The following CHCHD3 variants were observed in gnomAD, a reference collection of about 807,000 sequenced individuals.
CHCHD3 encodes the protein coiled-coil-helix-coiled-coil-helix domain containing 3, also known as MICOS complex subunit MIC19.
CHCHD3 carries 20 observed loss-of-function variants against 38.2 expected under a neutral mutation model. That is an observed-to-expected ratio of 0.52 (90% confidence interval 0.37 to 0.76). The LOEUF is 0.76. Ranked by LOEUF, CHCHD3 falls within the 30% of genes least tolerant of loss-of-function variation. CHCHD3 has a pLI of 0.00. For synonymous variants in CHCHD3, 82 were observed against 100.0 expected (o/e 0.82, Z 1.07); for missense variants, 245 against 279.2 (o/e 0.88, Z 0.87).
At chr7:132,948,934 G>C (rs1810968917) in intron 4 of CHCHD3, among the ~76,000 whole-genome samples, 1 of 152,038 alleles carries the variant, frequency 6.6e-6, no homozygotes, top group Admixed American at 6.6e-5. Context: ...AAAGATTCTA[G>C]ATTTTACTGA....
At chr7:133,047,503 C>G (rs945122869) in intron 2 of CHCHD3, among the ~76,000 whole-genome samples, 37 of 152,162 alleles carry the variant, frequency 2.4e-4, no homozygotes, top group African/African-American at 8.4e-4. Context: ...TGACTTTGTC[C>G]TTACCACAGA....
chr7:132,886,666 A>G (rs777420493), intron 4 of CHCHD3, among the ~76,000 whole-genome samples: 2 of 150,696 alleles, frequency 1.3e-5, no homozygotes, highest in Non-Finnish European at 3.0e-5. Context: ...ATATGTGTGT[A>G]TATATACATA....
intron 3 of CHCHD3, among the ~76,000 whole-genome samples, chr7:132,988,620 A>T (rs1812191042): frequency 6.6e-6 from 1 of 152,194 alleles, no homozygotes; most frequent in Non-Finnish European, 1.5e-5. Context: ...TTAGGGAAAA[A>T]TAAATAATAA....
At chr7:133,073,411 A>C (rs913214265) in intron 1 of CHCHD3, among the ~76,000 whole-genome samples, 2 of 152,148 alleles carry the variant, frequency 1.3e-5, no homozygotes, top group Non-Finnish European at 1.5e-5. Flanking sequence ...CTTAAGACCT[A>C]TCTCTCAGAA....
chr7:133,059,217 A>T (rs1414708651), intron 2 of CHCHD3, among the ~76,000 whole-genome samples: 2 of 152,168 alleles, frequency 1.3e-5, no homozygotes, highest in Non-Finnish European at 2.9e-5. Flanking sequence ...AGTGAAGAAA[A>T]GCTCCACTCT....
chr7:132,877,878 G>A (rs527352308), intron 5 of CHCHD3, among the ~76,000 whole-genome samples: 3 of 152,096 alleles, frequency 2.0e-5, no homozygotes, highest in Admixed American at 2.0e-4. Context: ...TATAACCCAC[G>A]TAGGCACATC....
intron 5 of CHCHD3, chr7:132,845,038 G>A (rs1180238167): frequency 6.6e-6 from 1 of 152,216 alleles, no homozygotes; most frequent in Non-Finnish European, 1.5e-5. Context: ...GTCGTCCACA[G>A]AACTCCGCAC....
At chr7:132,785,720 A>G (rs1806299449) in intron 7 of CHCHD3, 60 bp from the exon 8 acceptor site, 1 of 1,507,626 alleles carries the variant, frequency 6.6e-7, no homozygotes, top group Admixed American at 1.7e-5. Context: ...AATAAATGGC[A>G]CTAACTATTT....
At chr7:132,867,040 C>T (rs1808651383) in intron 5 of CHCHD3, among the ~76,000 whole-genome samples, 1 of 152,130 alleles carries the variant, frequency 6.6e-6, no homozygotes. Context: ...TTTCTCTCCT[C>T]TTATTGAGTC....
chr7:132,954,196 T>C (rs1290799235), intron 4 of CHCHD3, among the ~76,000 whole-genome samples: 1 of 152,026 alleles, frequency 6.6e-6, no homozygotes, highest in Non-Finnish European at 1.5e-5. Context: ...CTCTGGTGTA[T>C]ATGGCAGCCA....
At chr7:132,802,559 A>G (rs567489372) in intron 6 of CHCHD3, among the ~76,000 whole-genome samples, 24 of 152,264 alleles carry the variant, frequency 1.6e-4, no homozygotes, top group African/African-American at 5.1e-4. Flanking sequence ...AGGTGGAAGG[A>G]TTTGGGAAGT....
intron 4 of CHCHD3, among the ~76,000 whole-genome samples, chr7:132,968,283 G>A (rs1811527881): frequency 6.6e-6 from 1 of 152,196 alleles, no homozygotes. Flanking sequence ...TGTCGTGAGG[G>A]ATGCTTCCCT....
At chr7:132,906,046 C>G (rs532958523) in intron 4 of CHCHD3, among the ~76,000 whole-genome samples, 1 of 152,182 alleles carries the variant, frequency 6.6e-6, no homozygotes, top group Non-Finnish European at 1.5e-5. Context: ...GTTAACTGCA[C>G]TGGCCACAAA....
At chr7:132,854,036 A>C (rs1466948513) in intron 5 of CHCHD3, among the ~76,000 whole-genome samples, 2 of 152,162 alleles carry the variant, frequency 1.3e-5, no homozygotes, top group Non-Finnish European at 2.9e-5. Flanking sequence ...CAGATGCATT[A>C]AGTGTCAATG....
chr7:132,965,013 G>A lies in CHCHD3; in HGVS notation c.369+10156C>T, dbSNP rs149283422. Reference sequence around the variant, plus strand: ...ACACAAGGCCTATTCGAGTAGTTACGGCTGCCTGCCTCTATGCTAAGTAGG... The same window carrying A: ...ACACAAGGCCTATTCGAGTAGTTACAGCTGCCTGCCTCTATGCTAAGTAGG... On this transcript the variant is annotated intron_variant, in intron 4 of 7. Transcript: ENST00000262570. 3.9e-3 allele frequency among the ~76,000 whole-genome samples: 597 copies of A among 151,882 alleles called. 7 individuals are homozygous for A. The highest frequency in any genetic ancestry group is 0.01 in the African/African-American group (431 of 41,424).
At chr7:132,999,114 G>A (rs1812498597) in intron 3 of CHCHD3, among the ~76,000 whole-genome samples, 1 of 152,098 alleles carries the variant, frequency 6.6e-6, no homozygotes, top group South Asian at 2.1e-4. Context: ...GAGAGACCCT[G>A]TCTCAAAACA....
At chr7:133,006,830 C>T (rs1812714014) in intron 3 of CHCHD3, among the ~76,000 whole-genome samples, 1 of 152,060 alleles carries the variant, frequency 6.6e-6, no homozygotes, top group African/African-American at 2.4e-5. Context: ...TTATTTGGAA[C>T]CGTAAATGTC....
chr7:132,846,035 TTC>T (rs757139013), intron 5 of CHCHD3, among the ~76,000 whole-genome samples: 3 of 152,202 alleles, frequency 2.0e-5, no homozygotes, highest in African/African-American at 7.2e-5. Context: ...CCCTCCCCTG[TTC>T]TCTCAGAACC....
intron 2 of CHCHD3, among the ~76,000 whole-genome samples, chr7:133,031,255 G>A (rs564335696): frequency 6.6e-6 from 1 of 152,182 alleles, no homozygotes; most frequent in East Asian, 1.9e-4. Flanking sequence ...ACCGAAACTG[G>A]TTAAACTAAA....
Sources: allele counts gnomAD v4.1 joint callset (sites outside exome capture counted in the v4.1 genomes callset), GRCh38; gene constraint gnomAD v4.1.1; transcripts MANE v1.5; gene names NCBI Gene and HGNC (gene_info 2026-07-23, HGNC 2026-07-21).